Variants in AUTS2 observed in about 807,000 individuals in gnomAD.
The protein encoded by AUTS2 is autism susceptibility gene 2 protein.
Under a neutral mutation model 112.4 loss-of-function variants are expected in AUTS2, and 17 were observed. That is an observed-to-expected ratio of 0.15 (90% CI 0.10 to 0.23). The LOEUF is 0.23. AUTS2 is among the 10% of genes least tolerant of loss of function. The probability of loss-of-function intolerance (pLI) is 1.00; values close to 1 mark genes in which losing one functional copy is unlikely to be tolerated. For synonymous variants in AUTS2, 751 were observed against 702.7 expected, an observed-to-expected ratio of 1.07 and a Z score of -1.09; for missense variants, 1,510 against 1,701.6, an observed-to-expected ratio of 0.89 and a Z score of 1.98.
intron 2 of AUTS2, among the ~76,000 whole-genome samples, chr7:69,925,933 A>C (rs549198773): frequency 6.6e-6 from 1 of 152,326 alleles, no homozygotes; most frequent in African/African-American, 2.4e-5. Context: ...TAGGAGGATC[A>C]CTTGAGCTAG....
chr7:70,270,044 A>AGG (rs1787615910), intron 4 of AUTS2, among the ~76,000 whole-genome samples: 3 of 152,006 alleles, frequency 2.0e-5, no homozygotes, highest in Admixed American at 6.6e-5. Flanking sequence ...GTCTCAAAAA[A>AGG]AACAAACAAA....
intron 14 of AUTS2, among the ~76,000 whole-genome samples, chr7:70,777,531 G>T (rs1325772356): frequency 6.6e-6 from 1 of 152,076 alleles, no homozygotes; most frequent in Non-Finnish European, 1.5e-5. Context: ...ATAGATAGGG[G>T]TCTCACTGTG....
At chr7:70,031,529 G>C (rs1010548376) in intron 2 of AUTS2, among the ~76,000 whole-genome samples, 8 of 152,240 alleles carry the variant, frequency 5.3e-5, no homozygotes, top group Non-Finnish European at 1.0e-4. Flanking sequence ...AACATTTTCT[G>C]CTTTATAAAA....
chr7:70,475,850 A>G (rs979262539), intron 5 of AUTS2, among the ~76,000 whole-genome samples: 2 of 152,160 alleles, frequency 1.3e-5, no homozygotes, highest in African/African-American at 4.8e-5. Context: ...AGCCTGGGCA[A>G]CATAGTGAGA....
chr7:70,138,645 A>T (rs1045988092), intron 4 of AUTS2, among the ~76,000 whole-genome samples: 3 of 152,210 alleles, frequency 2.0e-5, no homozygotes, highest in African/African-American at 7.2e-5. Context: ...CACATCTAGT[A>T]ATTGACATAC....
intron 5 of AUTS2, among the ~76,000 whole-genome samples, chr7:70,511,096 G>A (rs1258960591): frequency 2.0e-5 from 3 of 152,034 alleles, no homozygotes; most frequent in Non-Finnish European, 2.9e-5. Flanking sequence ...TTATCTGCCC[G>A]CCTCAGCCTC....
At chr7:69,627,524 CA>C (rs1794014322) in intron 1 of AUTS2, among the ~76,000 whole-genome samples, 1 of 151,660 alleles carries the variant, frequency 6.6e-6, no homozygotes, top group Admixed American at 6.6e-5. Context: ...CAAAAAAAAA[CA>C]ATAAAAAAAC....
intron 4 of AUTS2, among the ~76,000 whole-genome samples, chr7:70,156,564 G>T (rs1251581982): frequency 6.6e-6 from 1 of 152,098 alleles, no homozygotes; most frequent in Non-Finnish European, 1.5e-5. Context: ...CAGATCTCCT[G>T]TGGAGGTGAC....
At chr7:69,809,295 G>A (rs892427137) in intron 1 of AUTS2, among the ~76,000 whole-genome samples, 8 of 151,502 alleles carry the variant, frequency 5.3e-5, no homozygotes, top group Admixed American at 2.0e-4. Context: ...AGCCAGGATG[G>A]TCTCCATCTC....
chr7:69,993,843 A>G (rs1798838270), intron 2 of AUTS2, among the ~76,000 whole-genome samples: 1 of 152,116 alleles, frequency 6.6e-6, no homozygotes, highest in South Asian at 2.1e-4. Context: ...AAGGTGATCT[A>G]TTTGAAAGTC....
intron 5 of AUTS2, among the ~76,000 whole-genome samples, chr7:70,531,290 G>A (rs1195655996): frequency 2.4e-5 from 3 of 124,804 alleles, no homozygotes; most frequent in Admixed American, 7.8e-5. Flanking sequence ...ATTTGGAACT[G>A]CCTGTAATTA....
At chr7:69,734,495 T>C (rs1786941945) in intron 1 of AUTS2, among the ~76,000 whole-genome samples, 2 of 151,798 alleles carry the variant, frequency 1.3e-5, no homozygotes, top group Non-Finnish European at 2.9e-5. Context: ...TTGAGGGGGA[T>C]GAGGAAGGGC....
chr7:70,650,695 A>G (rs1806454846), intron 5 of AUTS2, among the ~76,000 whole-genome samples: 1 of 152,234 alleles, frequency 6.6e-6, no homozygotes, highest in Admixed American at 6.5e-5. Context: ...TTTAAAATTG[A>G]GAAGTACATA....
chr7:69,729,288 T>C (rs1446480631), intron 1 of AUTS2, among the ~76,000 whole-genome samples: 1 of 152,092 alleles, frequency 6.6e-6, no homozygotes, highest in Non-Finnish European at 1.5e-5. Flanking sequence ...CAACTTATGA[T>C]TGTATTTAAC....
At chr7:70,455,802 G>A (rs966310593) in intron 5 of AUTS2, among the ~76,000 whole-genome samples, 1 of 152,110 alleles carries the variant, frequency 6.6e-6, no homozygotes, top group African/African-American at 2.4e-5. Flanking sequence ...TTAAAAAAAA[G>A]AAGTTTCCAG....
chr7:69,808,231 C>T (rs567490801), intron 1 of AUTS2, among the ~76,000 whole-genome samples: 1 of 152,292 alleles, frequency 6.6e-6, no homozygotes, highest in Admixed American at 6.5e-5. Context: ...CCGGCCAAGG[C>T]CGCACTTTTG....
At chr7:69,797,434 A>C (rs781205027) in intron 1 of AUTS2, among the ~76,000 whole-genome samples, 13 of 152,160 alleles carry the variant, frequency 8.5e-5, no homozygotes, top group Non-Finnish European at 1.6e-4. Flanking sequence ...GGCTGCAAGG[A>C]AGGCAGTGGT....
At chr7:70,784,760 A>C (rs924716010) in intron 15 of AUTS2, 182 bp from the exon 16 acceptor site, 11 of 442,040 alleles carry the variant, frequency 2.5e-5, no homozygotes, top group African/African-American at 8.4e-5. Flanking sequence ...AAAAAAAAAA[A>C]AAAAAAAAAA....
intron 4 of AUTS2, among the ~76,000 whole-genome samples, chr7:70,259,837 G>C (rs964116941): frequency 6.6e-6 from 1 of 152,298 alleles, no homozygotes; most frequent in South Asian, 2.1e-4. Flanking sequence ...TCACATTAGT[G>C]GGGTAGATAG....
Sources: allele counts gnomAD v4.1 joint callset (sites outside exome capture counted in the v4.1 genomes callset), GRCh38; gene constraint gnomAD v4.1.1; transcripts MANE v1.5; gene names NCBI Gene and HGNC (gene_info 2026-07-23, HGNC 2026-07-21).